KIF7: variants seen among roughly 807,000 people sequenced by gnomAD.
KIF7 encodes kinesin family member 7, also known as kinesin-like protein KIF7.
KIF7 carries 104 observed loss-of-function variants against 135.7 expected under a neutral mutation model. That is an observed-to-expected ratio of 0.77 (90% CI 0.65 to 0.90). The LOEUF is 0.90. Among genes scored for constraint, KIF7 ranks in the 40% least tolerant of loss-of-function variants. The pLI, the probability that KIF7 is intolerant of heterozygous loss-of-function variation, is 0.00. For synonymous variants in KIF7, 883 were observed against 809.4 expected, an observed-to-expected ratio of 1.09 and a Z score of -1.54; for missense variants, 2,005 against 1,839.1, an observed-to-expected ratio of 1.09 and a Z score of -1.65.
rs765469300 is a variant in KIF7, at chr15:89,645,972, G to T, written c.1843C>A (p.Leu615Met). The stretch of plus-strand genomic sequence containing the variant: ...GAAGCAGCTGAAGAGCCACTTCCCA[G>T]CCTGTTCACCTCAGTCAGCAACTCA... ...GAELLTEVNR[L>M]GSGSSAASEE... Residue 615 changes from leucine (L) to methionine (M), a missense_variant, in exon 8 of 19, where the codon CTG becomes ATG. Coordinates refer to ENST00000394412, the MANE Select transcript of KIF7 (RefSeq NM_198525.3). The T allele has an allele frequency of 1.6e-5, 26 of 1,613,774 alleles. No homozygotes were observed. Among genetic ancestry groups the T allele is most frequent in the Non-Finnish European group, 2.1e-5 (25 of 1,180,000 alleles).
At position 89,629,340 on chromosome 15, in the gene KIF7, G is replaced by C. The variant is rs770122389; in HGVS notation, c.3517+35C>G. The C allele has an allele frequency of 4.3e-6, 6 of 1,399,896 alleles. No homozygotes were observed. The African/African-American group carries it at 4.4e-5, about 10-fold the overall frequency. The allele number at this position is 1,399,896 out of a possible 1,614,324, so 86.7% of individuals were successfully genotyped here. A position where few individuals can be genotyped will look rare whatever the true frequency, so the allele number is the denominator to read the frequency against. On this transcript the variant is annotated intron_variant, in intron 17 of 18. Transcript: ENST00000394412. ...AGATGGGGGTGGGGGGGATGGAGGGGGCCGGGGTTGTGAGCCATGGGCCGG... is the reference window on the plus strand; with the variant it reads ...AGATGGGGGTGGGGGGGATGGAGGGCGCCGGGGTTGTGAGCCATGGGCCGG...
chr15:89,630,229 A>G (rs540213363), intron 16 of KIF7, 58 bp downstream of exon 16: 6 of 1,513,544 alleles, frequency 4.0e-6, no homozygotes, highest in East Asian at 2.3e-5. Flanking sequence ...CTGCCATGAG[A>G]CACCTCCCCA....
At chr15:89,626,314 T>C (rs889206269), downstream of KIF7, among the ~76,000 whole-genome samples, 1 of 152,212 alleles carries the variant, frequency 6.6e-6, no homozygotes, top group African/African-American at 2.4e-5. Flanking sequence ...GTCGTGGGCT[T>C]GCCGCAACAT....
chr15:89,650,109 C>T (rs1964101532), intron 2 of KIF7, 168 bp from the exon 3 acceptor site: 4 of 663,062 alleles, frequency 6.0e-6, no homozygotes, highest in Non-Finnish European at 7.9e-6. Flanking sequence ...GGCCATGCTC[C>T]AGCGTGGTCA....
chr15:89,624,819 C>T (rs1963488245), downstream of KIF7: 3 of 1,614,066 alleles, frequency 1.9e-6, no homozygotes, highest in African/African-American at 1.3e-5. Flanking sequence ...CTCTGTCTCA[C>T]CCTGGGATTC....
In KIF7 at chr15:89,617,954, G is replaced by C. The variant is rs145635340; in HGVS notation, c.*75+75C>G. 1.4e-4 allele frequency: 90 copies of C among 631,310 alleles called. No homozygotes were observed. In the African/African-American group the frequency reaches 1.5e-3, roughly 10 times the overall value. The allele number at this position is 631,310 out of a possible 1,614,324, so 39.1% of individuals were successfully genotyped here. A position where few individuals can be genotyped will look rare whatever the true frequency, so the allele number is the denominator to read the frequency against. On this transcript the variant is annotated intron_variant and NMD_transcript_variant, in intron 2 of 2. Coordinates refer to the KIF7 transcript ENST00000558928. ...TGATCCGCCCGCCTTAGCCTCCTAA[G>C]GTGCTGGGATTACAGGCGTGAGACA...
At chr15:89,624,089 C>T (rs199894049), downstream of KIF7, 221 of 1,613,878 alleles carry the variant, frequency 1.4e-4, no homozygotes, top group African/African-American at 7.1e-4. Context: ...TTCATGGGCA[C>T]GCCTCAGAAT....
chr15:89,624,921 G>A (rs143738923), downstream of KIF7: 146 of 1,614,034 alleles, frequency 9.0e-5, no homozygotes, highest in African/African-American at 1.6e-3. Flanking sequence ...GCCAGGCTTC[G>A]GCACAACTAG....
intron 11 of KIF7, among the ~76,000 whole-genome samples, chr15:89,641,880 G>T (rs900514397): frequency 1.4e-4 from 22 of 152,254 alleles, no homozygotes; most frequent in Admixed American, 4.6e-4. Flanking sequence ...ATGGGATGGA[G>T]GGGTAAGCGA....
rs1391048206 is a variant in KIF7, at chr15:89,642,080, G to C, written c.2394+123C>G. On this transcript the variant is annotated intron_variant, in intron 11 of 18. Coordinates refer to ENST00000394412, the MANE Select transcript of KIF7 (RefSeq NM_198525.3). The stretch of plus-strand genomic sequence containing the variant: ...ATACCAGCCTCACCCTGCAGGGCCA[G>C]GGCTGGAGCACAAGGTTCCACAGTG... The C allele has an allele frequency of 6.8e-6, 7 of 1,027,988 alleles. No individual in the cohort carries two copies. In the African/African-American group the frequency reaches 9.5e-5, roughly 14 times the overall value. The allele number at this position is 1,027,988 out of a possible 1,614,324, so 63.7% of individuals were successfully genotyped here. A position where few individuals can be genotyped will look rare whatever the true frequency, so the allele number is the denominator to read the frequency against.
chr15:89,618,400 G>A (rs2141978480), intron 1 of KIF7, among the ~76,000 whole-genome samples: 1 of 152,266 alleles, frequency 6.6e-6, no homozygotes, highest in East Asian at 1.9e-4. Context: ...GAGAATTCTG[G>A]AAAAGAAATA....
intron 11 of KIF7, among the ~76,000 whole-genome samples, chr15:89,640,835 A>G (rs1167515021): frequency 2.7e-5 from 4 of 150,286 alleles, no homozygotes; most frequent in South Asian, 2.1e-4. Context: ...AAAAAAAAAA[A>G]AAAAAAGAAA....
rs770859670 is a variant in KIF7, at chr15:89,631,666, G to A, written c.2940C>T (p.His980=). 5 of 1,560,082 alleles carry A rather than the reference G, an allele frequency of 3.2e-6. No homozygotes were observed. The highest frequency in any genetic ancestry group is 2.6e-6 in the Non-Finnish European group (3 of 1,150,914). The change falls in exon 15 of 19, where the codon CAC becomes CAT. Residue 980 remains histidine, a synonymous_variant. Transcript: ENST00000394412. ...DIVRVSSRLE[H]LEKELSEKSG... ...TCTTCTCGGACAGCTCCTTCTCCAG[G>A]TGCTCCAGCCGGCTGGACACTCGCA...
intron 16 of KIF7, chr15:89,629,804 C>G: frequency 1.6e-6 from 1 of 607,264 alleles, no homozygotes; most frequent in South Asian, 2.0e-5. Context: ...CAAACCCTTT[C>G]CTAGCCACAC....
At chr15:89,654,099 T>C (rs1429589614) in intron 1 of KIF7, among the ~76,000 whole-genome samples, 2 of 152,180 alleles carry the variant, frequency 1.3e-5, no homozygotes, top group African/African-American at 4.8e-5. Context: ...AAGCTCTGCC[T>C]CCTGGGTTCA....
rs753784742 is a variant in KIF7 at position 89,632,992 on chromosome 15, A to G, written c.2723T>C (p.Ile908Thr). Residue 908 changes from isoleucine (I) to threonine (T), a missense_variant, in exon 14 of 19, where the codon ATT becomes ACT. Ile to Thr is a moderately conservative substitution (Grantham distance 89). Coordinates refer to ENST00000394412, the MANE Select transcript of KIF7 (RefSeq NM_198525.3). Reference sequence around the variant, plus strand: ...GTCCAGCCACTTCTTCTGCTCCTCAATCTTCTAAGGAAAAGTAGGGAGGGA... The same window carrying G: ...GTCCAGCCACTTCTTCTGCTCCTCAGTCTTCTAAGGAAAAGTAGGGAGGGA... ...SVVSLEQQQK[I>T]EEQKKWLDQE... is the part of the protein sequence containing the mutation. The G allele has an allele frequency of 8.6e-6, 8 of 929,346 alleles. No homozygotes were observed. In the East Asian group the frequency reaches 1.0e-4, roughly 12 times the overall value. The allele number at this position is 929,346 out of a possible 1,614,324, so 57.6% of individuals were successfully genotyped here. A position where few individuals can be genotyped will look rare whatever the true frequency, so the allele number is the denominator to read the frequency against.
intron 1 of KIF7, among the ~76,000 whole-genome samples, chr15:89,622,967 C>T (rs1044992877): frequency 1.7e-4 from 26 of 152,314 alleles, no homozygotes; most frequent in Admixed American, 6.5e-4. Context: ...TGCGTATGCC[C>T]CACTGAACAG....
At chr15:89,630,096 G>A (rs140146377) in intron 16 of KIF7, 191 bp downstream of exon 16, 31 of 628,042 alleles carry the variant, frequency 4.9e-5, no homozygotes, top group East Asian at 1.7e-4. Context: ...AGTGGGGGGC[G>A]GGTAGGAAAC....
chr15:89,648,970 T>A lies in KIF7; in HGVS notation c.923+4A>T, dbSNP rs1567067655. 1 of 1,532,630 alleles carries A rather than the reference T, an allele frequency of 6.5e-7. No homozygotes were observed. The highest frequency in any genetic ancestry group is 2.5e-5 in the East Asian group (1 of 40,618). The allele number at this position is 1,532,630 out of a possible 1,614,324, so 94.9% of individuals were successfully genotyped here. ...GGCCACATAGGAGCCAGGGGGCAGC[T>A]CACCGGGTGATCTTGGAGTCGCGGT... On this transcript the variant is annotated splice_donor_region_variant and intron_variant, in intron 4 of 18. Coordinates refer to ENST00000394412, the MANE Select transcript of KIF7 (RefSeq NM_198525.3).
Sources: allele counts gnomAD v4.1 joint callset (sites outside exome capture counted in the v4.1 genomes callset), GRCh38; gene constraint gnomAD v4.1.1; transcripts MANE v1.5; gene names NCBI Gene and HGNC (gene_info 2026-07-23, HGNC 2026-07-21).